Variants in ULK4 observed in about 807,000 individuals in gnomAD.
ULK4 encodes the protein unc-51 like kinase 4.
ULK4 carries 133 observed loss-of-function variants against 160.6 expected under a neutral mutation model. That is an observed-to-expected ratio of 0.83 (90% CI 0.72 to 0.96). The LOEUF (loss-of-function observed/expected upper bound fraction) is 0.96, where lower values mean the gene tolerates loss of function less well. ULK4 is among the 40% of genes least tolerant of loss of function. The pLI is 0.00. For synonymous variants in ULK4, 534 were observed against 539.8 expected (o/e 0.99, Z 0.15); for missense variants, 1,580 against 1,499.5 (o/e 1.05, Z -0.89).
chr3:41,388,050 T>G (rs1187425124), intron 35 of ULK4, among the ~76,000 whole-genome samples: 1 of 152,210 alleles, frequency 6.6e-6, no homozygotes, highest in African/African-American at 2.4e-5. Flanking sequence ...TTCCTGACTT[T>G]GTAATGATTG....
intron 21 of ULK4, among the ~76,000 whole-genome samples, chr3:41,773,791 T>A (rs576923992): frequency 1.3e-5 from 2 of 152,150 alleles, no homozygotes; most frequent in Non-Finnish European, 2.9e-5. Flanking sequence ...AGAACAAAGC[T>A]GGAGGCATCA....
chr3:41,497,448 AAAAG>A (rs1473666695), intron 32 of ULK4, among the ~76,000 whole-genome samples: 1 of 152,146 alleles, frequency 6.6e-6, no homozygotes, highest in Non-Finnish European at 1.5e-5. Flanking sequence ...TTCAAGAGGA[AAAAG>A]AAAGAATGGA....
chr3:41,280,536 A>G (rs568476110), intron 35 of ULK4, among the ~76,000 whole-genome samples: 1 of 152,358 alleles, frequency 6.6e-6, no homozygotes, highest in South Asian at 2.1e-4. Context: ...ATGGAAACTG[A>G]ACAACCTGCT....
chr3:41,269,249 C>A (rs1483522096), intron 35 of ULK4, among the ~76,000 whole-genome samples: 1 of 151,976 alleles, frequency 6.6e-6, no homozygotes, highest in African/African-American at 2.4e-5. Context: ...TAATTCCATC[C>A]ACCCCCATTA....
rs57224854 is a variant in ULK4 at position 41,412,553 on chromosome 3, A to ATTTTTTTTTTTTTTTTTT, written c.3493-14307_3493-14290dup. Among the ~76,000 whole-genome samples the ATTTTTTTTTTTTTTTTTT allele has an allele frequency of 1.4e-3, 144 of 100,414 alleles. 7 individuals carry two copies. The highest frequency in any genetic ancestry group is 2.1e-3 in the Non-Finnish European group (104 of 50,728). The allele number at this position is 100,414 out of a possible 152,430, so 65.9% of individuals were successfully genotyped here. On this transcript the variant is annotated intron_variant, in intron 34 of 36. Transcript: ENST00000301831. ...TAAAGGTCAATGGCAATGCAGTTGA[A>ATTTTTTTTTTTTTTTTTT]TTTTTTTTTTTTTTTTTTTTTTTTT...
chr3:41,452,544 C>A (rs1260126099), intron 34 of ULK4, among the ~76,000 whole-genome samples: 1 of 152,168 alleles, frequency 6.6e-6, no homozygotes, highest in African/African-American at 2.4e-5. Context: ...GTGTTCCTCA[C>A]ATTTTGAAGA....
chr3:41,362,930 G>A (rs952486211), intron 35 of ULK4, among the ~76,000 whole-genome samples: 4 of 152,372 alleles, frequency 2.6e-5, no homozygotes, highest in Admixed American at 6.5e-5. Flanking sequence ...TGGCTGCACT[G>A]TTCCTGGAAA....
At chr3:41,818,789 C>T (rs759700975) in intron 19 of ULK4, among the ~76,000 whole-genome samples, 1 of 152,196 alleles carries the variant, frequency 6.6e-6, no homozygotes, top group Admixed American at 6.5e-5. Context: ...GAAACAATGT[C>T]AAATGATTTA....
In ULK4 at chr3:41,942,997, A is replaced by AGG. The variant is rs1700005925; in HGVS notation, c.139-4802_139-4801dup. ...GGGAGGCCGAGGCGGGTGGATCACG[A>AGG]GGTAAGGAGATCAAGACCATCCTGG... On this transcript the variant is annotated intron_variant, in intron 2 of 36. Transcript: ENST00000301831. 2.6e-5 allele frequency among the ~76,000 whole-genome samples: 4 copies of AGG among 152,158 alleles called. No individual in the cohort carries two copies. The South Asian group carries it at 8.3e-4, about 32-fold the overall frequency.
chr3:41,666,347 C>T (rs2035350319), intron 29 of ULK4, among the ~76,000 whole-genome samples: 1 of 152,182 alleles, frequency 6.6e-6, no homozygotes, highest in African/African-American at 2.4e-5. Context: ...GGAGGATATT[C>T]CAACTGCTAG....
intron 2 of ULK4, among the ~76,000 whole-genome samples, chr3:41,947,672 C>CAAAGG (rs1700153672): frequency 6.6e-6 from 1 of 152,096 alleles, no homozygotes; most frequent in South Asian, 2.1e-4. Context: ...TGAACTTCTG[C>CAAAGG]AAAGGAAAAG....
intron 32 of ULK4, among the ~76,000 whole-genome samples, chr3:41,466,938 G>A (rs2083849799): frequency 6.6e-6 from 1 of 152,050 alleles, no homozygotes. Flanking sequence ...CAGTCAATAA[G>A]TATATGAAAA....
chr3:41,321,052 T>C (rs984425104), intron 35 of ULK4, among the ~76,000 whole-genome samples: 3 of 152,104 alleles, frequency 2.0e-5, no homozygotes, highest in Admixed American at 6.5e-5. Context: ...TGGATCTTAA[T>C]TGCCAGGCCT....
chr3:41,247,040 A>G, intron 36 of ULK4, 48 bp from the exon 37 acceptor site: 1 of 1,578,428 alleles, frequency 6.3e-7, no homozygotes, highest in Non-Finnish European at 8.6e-7. Flanking sequence ...TCTCTAAGGT[A>G]AAGTGCTCCC....
chr3:41,860,013 A>C (rs1302914126), intron 17 of ULK4, among the ~76,000 whole-genome samples: 1 of 151,918 alleles, frequency 6.6e-6, no homozygotes, highest in African/African-American at 2.4e-5. Flanking sequence ...ATTCAGGAGC[A>C]TATTGTTTAC....
chr3:41,694,791 G>A (rs1023367942), intron 27 of ULK4, among the ~76,000 whole-genome samples: 5 of 151,960 alleles, frequency 3.3e-5, no homozygotes, highest in Non-Finnish European at 7.4e-5. Flanking sequence ...TTTTATTGTT[G>A]TATTATCATT....
At chr3:41,690,190 A>G (rs537199905) in intron 27 of ULK4, among the ~76,000 whole-genome samples, 2 of 149,748 alleles carry the variant, frequency 1.3e-5, no homozygotes, top group African/African-American at 2.5e-5. Flanking sequence ...CTATCGCAAG[A>G]ACAAAAAACC....
chr3:41,626,583 T>C (rs1333587437), intron 30 of ULK4, among the ~76,000 whole-genome samples: 1 of 150,384 alleles, frequency 6.6e-6, no homozygotes, highest in Non-Finnish European at 1.5e-5. Context: ...TGGAGTGCAG[T>C]GGTGCAATCT....
intron 18 of ULK4, among the ~76,000 whole-genome samples, chr3:41,825,298 C>A (rs2041305949): frequency 6.6e-6 from 1 of 152,194 alleles, no homozygotes; most frequent in Non-Finnish European, 1.5e-5. Context: ...AGCAACGGAA[C>A]AAAGCTGGAT....
Sources: allele counts gnomAD v4.1 joint callset (sites outside exome capture counted in the v4.1 genomes callset), GRCh38; gene constraint gnomAD v4.1.1; transcripts MANE v1.5; gene names NCBI Gene and HGNC (gene_info 2026-07-23, HGNC 2026-07-21).